SENP2: variants seen among roughly 807,000 people sequenced by gnomAD.
SENP2 encodes the protein SUMO specific peptidase 2, also known as sentrin-specific protease 2.
A neutral mutation model predicts 86.3 loss-of-function variants in SENP2; 16 were observed. The observed-to-expected ratio is 0.19, with a 90% CI of 0.13 to 0.28. The LOEUF (loss-of-function observed/expected upper bound fraction) is 0.28. Ranked by LOEUF, SENP2 falls within the 10% of genes least tolerant of loss-of-function variation. The probability of loss-of-function intolerance (pLI) is 1.00; values close to 1 mark genes in which losing one functional copy is unlikely to be tolerated. For missense variants in SENP2, 552 were observed against 703.0 expected, an observed-to-expected ratio of 0.79 and a Z score of 2.43; for synonymous variants, 222 against 238.7, an observed-to-expected ratio of 0.93 and a Z score of 0.64.
chr3:185,588,348 G>A (rs1046559778), intron 1 of SENP2, among the ~76,000 whole-genome samples: 4 of 150,028 alleles, frequency 2.7e-5, no homozygotes, highest in African/African-American at 4.9e-5. Flanking sequence ...CCCGGCCCTC[G>A]CCCGACTAAT....
chr3:185,599,108 C>T (rs1186864552), intron 4 of SENP2, 84 bp downstream of exon 4: 1 of 966,232 alleles, frequency 1.0e-6, no homozygotes, highest in African/African-American at 1.6e-5. Flanking sequence ...GAAAGGAAAA[C>T]ACTGATTTGA....
At position 185,590,037 on chromosome 3, in the gene SENP2, T is replaced by C. The variant is rs972044328; in HGVS notation, c.102-77T>C. 5.0e-6 allele frequency: 4 copies of C among 799,008 alleles called. No homozygotes were observed. In the South Asian group the frequency reaches 5.7e-5, roughly 11 times the overall value. 49.5% of individuals were successfully genotyped at this position (799,008 alleles called of 1,614,324 possible). On this transcript the variant is annotated intron_variant, in intron 1 of 16. Coordinates refer to ENST00000296257, the MANE Select transcript of SENP2 (RefSeq NM_021627.3). ...AGTGATAGAAGGGGGATGTGTTATA[T>C]GAATAGTAAGTTTACTTACAGAAAT... is the stretch of plus-strand genomic sequence containing the variant.
chr3:185,614,602 A>G lies in SENP2; in HGVS notation c.972A>G (p.Glu324=), dbSNP rs895790748. 6.2e-7 allele frequency: 1 copy of G among 1,614,012 alleles called. No homozygotes were observed. The highest frequency in any genetic ancestry group is 1.7e-5 in the Admixed American group (1 of 59,948). Reference sequence around the variant, plus strand: ...AACTGGAGCCTGACCTATCAGAAGAAGTGTCGGCCCGACTCCGCCTGGGCA... The same window carrying G: ...AACTGGAGCCTGACCTATCAGAAGAGGTGTCGGCCCGACTCCGCCTGGGCA... The part of the protein sequence containing the change: ...GYQLEPDLSE[E]VSARLRLGSG... The change falls in exon 11 of 17, where the codon GAA becomes GAG. Residue 324 remains glutamate (E), a synonymous_variant. Transcript: ENST00000296257.
chr3:185,606,123 T>C (rs1482194111), intron 5 of SENP2, among the ~76,000 whole-genome samples: 1 of 152,092 alleles, frequency 6.6e-6, no homozygotes, highest in African/African-American at 2.4e-5. Flanking sequence ...GTGGCAGCTC[T>C]AGTTTAGAAA....
chr3:185,613,102 T>C (rs1341193591), intron 9 of SENP2, among the ~76,000 whole-genome samples: 1 of 152,256 alleles, frequency 6.6e-6, no homozygotes, highest in African/African-American at 2.4e-5. Flanking sequence ...ATTTACATAC[T>C]GTCTGGCTGC....
Position 185,598,157 on chromosome 3 carries a change from C to G in SENP2, c.158-255C>G, listed in dbSNP as rs965025162. On this transcript the variant is annotated intron_variant, in intron 2 of 16. Coordinates refer to ENST00000296257, the MANE Select transcript of SENP2 (RefSeq NM_021627.3). ...CCTCCCAGGTAGCTGGGACTACAGG[C>G]GTGTGATACCATCCGCAGCTAATTT... Among the ~76,000 whole-genome samples, 3 of 151,824 alleles carry G rather than the reference C, an allele frequency of 2.0e-5. No homozygotes were observed. The South Asian group carries it at 6.3e-4, about 32-fold the overall frequency.
At chr3:185,614,257 A>T (rs545628844) in intron 10 of SENP2, among the ~76,000 whole-genome samples, 1 of 152,318 alleles carries the variant, frequency 6.6e-6, no homozygotes, top group South Asian at 2.1e-4. Context: ...AACTTTCATA[A>T]TATCTTTTAA....
At chr3:185,605,269 G>T (rs1226731148) in intron 5 of SENP2, among the ~76,000 whole-genome samples, 3 of 151,660 alleles carry the variant, frequency 2.0e-5, no homozygotes, top group African/African-American at 2.4e-5. Flanking sequence ...TACACGGGAG[G>T]CTGAGGCAGG....
intron 12 of SENP2, among the ~76,000 whole-genome samples, chr3:185,618,582 A>G (rs1711709860): frequency 6.6e-6 from 1 of 152,186 alleles, no homozygotes; most frequent in Non-Finnish European, 1.5e-5. Flanking sequence ...TTACTGTTCA[A>G]AAGTACCACC....
intron 11 of SENP2, among the ~76,000 whole-genome samples, chr3:185,616,557 C>G (rs868277490): frequency 6.6e-5 from 10 of 150,728 alleles, no homozygotes; most frequent in African/African-American, 9.8e-5. Context: ...GGGCAGATCA[C>G]GAGGTCAGGA....
chr3:185,587,334 T>C (rs1721818893), intron 1 of SENP2, among the ~76,000 whole-genome samples: 1 of 151,982 alleles, frequency 6.6e-6, no homozygotes, highest in South Asian at 2.1e-4. Context: ...GGTTTCACTA[T>C]ATTGGCTAGG....
intron 14 of SENP2, 118 bp from the exon 15 acceptor site, chr3:185,623,880 T>C (rs1282011531): frequency 2.1e-5 from 8 of 385,034 alleles, no homozygotes; most frequent in Non-Finnish European, 2.7e-5. Flanking sequence ...TTTAAAAAGC[T>C]AATGAATATG....
intron 14 of SENP2, among the ~76,000 whole-genome samples, chr3:185,623,339 C>A (rs1001236746): frequency 6.6e-6 from 1 of 151,668 alleles, no homozygotes; most frequent in East Asian, 1.9e-4. Flanking sequence ...GAGGTTTCTC[C>A]ATTTTGGTCA....
rs575948100 is a variant in SENP2, at chr3:185,610,732, C to T, written c.723-919C>T. Among the ~76,000 whole-genome samples, 54 of 147,452 alleles carry T rather than the reference C, an allele frequency of 3.7e-4. 1 individual carries two copies. In the South Asian group the frequency reaches 4.1e-3, roughly 11 times the overall value. ...CAGCACTTTGGGAGGCCGAGGTGGA[C>T]GGATCACGAGGTCAGGAGATCAAGA... On this transcript the variant is annotated intron_variant, in intron 7 of 16. Coordinates refer to ENST00000296257, the MANE Select transcript of SENP2 (RefSeq NM_021627.3).
intron 5 of SENP2, among the ~76,000 whole-genome samples, chr3:185,604,601 G>T (rs1722451282): frequency 6.6e-6 from 1 of 152,050 alleles, no homozygotes; most frequent in African/African-American, 2.4e-5. Context: ...ATATTTTGAA[G>T]CTCTATTAGG....
At chr3:185,610,762 C>T (rs1296288797) in intron 7 of SENP2, among the ~76,000 whole-genome samples, 1 of 149,608 alleles carries the variant, frequency 6.7e-6, no homozygotes, top group African/African-American at 2.5e-5. Context: ...TCAAGATCAT[C>T]CTGGCTAACA....
At chr3:185,607,966 T>C (rs928374537) in intron 6 of SENP2, among the ~76,000 whole-genome samples, 1 of 151,904 alleles carries the variant, frequency 6.6e-6, no homozygotes, top group African/African-American at 2.4e-5. Context: ...TTTGAGGTTT[T>C]CTTTTATTCC....
At chr3:185,607,319 CTTTTTTTTTTTTT>C (rs758884593) in intron 6 of SENP2, among the ~76,000 whole-genome samples, 733 of 66,048 alleles carry the variant, frequency 0.011, 17 homozygotes, top group Non-Finnish European at 0.015. Flanking sequence ...AGATTAGATT[CTTTTTTTTTTTTT>C]TTTTTTTTTT....
intron 5 of SENP2, among the ~76,000 whole-genome samples, chr3:185,603,070 G>A (rs1462770572): frequency 4.0e-5 from 6 of 151,360 alleles, no homozygotes; most frequent in Non-Finnish European, 7.4e-5. Context: ...ATGCCACCAC[G>A]CCCAGCTAAT....
Sources: gnomAD v4.1 joint callset for allele counts (sites outside exome capture counted in the v4.1 genomes callset) on GRCh38, gnomAD v4.1.1 for gene constraint, MANE v1.5 for transcripts, NCBI Gene and HGNC (gene_info 2026-07-23, HGNC 2026-07-21) for gene names.